The following EFCAB11 variants were observed in gnomAD, a reference collection of about 807,000 sequenced individuals.
EFCAB11 encodes the protein EF-hand calcium binding domain 11.
A neutral mutation model predicts 23.0 loss-of-function variants in EFCAB11; 14 were observed. The ratio of observed to expected loss-of-function variants is 0.61; its 90% CI spans 0.40 to 0.95. EFCAB11 has a LOEUF of 0.95. Ranked by LOEUF, EFCAB11 falls within the 40% of genes least tolerant of loss-of-function variation. The pLI is 0.00. For missense variants in EFCAB11, 198 were observed against 195.8 expected (o/e 1.01, Z -0.07); for synonymous variants, 65 against 66.6 (o/e 0.98, Z 0.11).
chr14:89,882,749 G>A (rs1888641092), intron 5 of EFCAB11, among the ~76,000 whole-genome samples: 1 of 152,142 alleles, frequency 6.6e-6, no homozygotes, highest in Admixed American at 6.5e-5. Context: ...ACAATTTAAA[G>A]AAGGCAGAGC....
At chr14:89,808,084 G>T (rs1222011557) in intron 5 of EFCAB11, among the ~76,000 whole-genome samples, 1 of 152,172 alleles carries the variant, frequency 6.6e-6, no homozygotes, top group East Asian at 1.9e-4. Context: ...CCTGCTTTGT[G>T]TTCAACAAAA....
chr14:89,937,247 T>C (rs1427442916), intron 3 of EFCAB11, among the ~76,000 whole-genome samples: 1 of 152,122 alleles, frequency 6.6e-6, no homozygotes. Flanking sequence ...AAGATTCTTC[T>C]TTATATGAAA....
At chr14:89,922,492 T>C (rs545739293) in intron 5 of EFCAB11, among the ~76,000 whole-genome samples, 4 of 152,192 alleles carry the variant, frequency 2.6e-5, no homozygotes, top group Non-Finnish European at 5.9e-5. Flanking sequence ...AGAGGTTCAC[T>C]GATTTGTGGA....
At chr14:89,803,360 G>C (rs1885851084) in intron 5 of EFCAB11, among the ~76,000 whole-genome samples, 1 of 152,208 alleles carries the variant, frequency 6.6e-6, no homozygotes, top group South Asian at 2.1e-4. Context: ...GACCCCACTG[G>C]AGAGGCAAAC....
At chr14:89,952,151 A>C (rs1468843211) in intron 2 of EFCAB11, among the ~76,000 whole-genome samples, 2 of 152,362 alleles carry the variant, frequency 1.3e-5, no homozygotes, top group African/African-American at 4.8e-5. Context: ...CAAATGACTA[A>C]GTTTATAGGT....
intron 5 of EFCAB11, among the ~76,000 whole-genome samples, chr14:89,802,769 T>C (rs1885830533): frequency 6.6e-6 from 1 of 152,238 alleles, no homozygotes; most frequent in East Asian, 1.9e-4. Context: ...GAAACTTGTC[T>C]TATGAAGATG....
chr14:89,907,901 T>C (rs1341108887), intron 5 of EFCAB11, among the ~76,000 whole-genome samples: 1 of 152,160 alleles, frequency 6.6e-6, no homozygotes, highest in African/African-American at 2.4e-5. Flanking sequence ...ACAATCACAG[T>C]AGCCACCTCA....
chr14:89,820,752 A>C (rs1410293076), intron 5 of EFCAB11, among the ~76,000 whole-genome samples: 4 of 151,902 alleles, frequency 2.6e-5, no homozygotes, highest in Admixed American at 1.3e-4. Flanking sequence ...TTTTAGGGGT[A>C]TAAAAATGAG....
At position 89,853,618 on chromosome 14, in the gene EFCAB11, G is replaced by A. The variant is rs77706491; in HGVS notation, c.411-56294C>T. ...CTGTCCTCACTTCACCTGCCACACT[G>A]GCTCTTAAAATGAATATTAAATAAA... On this transcript the variant is annotated intron_variant, in intron 5 of 5. Coordinates refer to ENST00000316738, the MANE Select transcript of EFCAB11 (RefSeq NM_145231.4). Among the ~76,000 whole-genome samples the A allele has an allele frequency of 4.0e-3, 608 of 152,192 alleles. 5 individuals are homozygous for A. Among genetic ancestry groups the A allele is most frequent in the African/African-American group, 0.014 (580 of 41,500 alleles).
intron 5 of EFCAB11, among the ~76,000 whole-genome samples, chr14:89,827,192 C>T (rs1384781315): frequency 6.6e-6 from 1 of 152,134 alleles, no homozygotes; most frequent in African/African-American, 2.4e-5. Context: ...GCTGAAGAAA[C>T]AAAGGGATGA....
At chr14:89,828,036 C>G (rs1350166573) in intron 5 of EFCAB11, among the ~76,000 whole-genome samples, 1 of 152,152 alleles carries the variant, frequency 6.6e-6, no homozygotes, top group Non-Finnish European at 1.5e-5. Flanking sequence ...GAAGAGTTAT[C>G]TGGAATACAG....
rs531732957 is a variant in EFCAB11 at position 89,890,183 on chromosome 14, CATAA to C, written c.410+41354_410+41357del. ...ACAGAAACACTGCATGATTTCTTCT[CATAA>C]ATAATGAATGCAATAAAAATGTTAA... On this transcript the variant is annotated intron_variant, in intron 5 of 5. Transcript: ENST00000316738. Among the ~76,000 whole-genome samples the C allele has an allele frequency of 1.2e-4, 18 of 152,274 alleles. No individual in the cohort carries two copies. The East Asian group carries it at 3.5e-3, about 29-fold the overall frequency.
intron 5 of EFCAB11, among the ~76,000 whole-genome samples, chr14:89,844,971 C>T (rs115866066): frequency 0.014 from 1,982 of 144,682 alleles, 46 homozygotes; most frequent in African/African-American, 0.047. Flanking sequence ...GGGGAGGGGG[C>T]GGGGTTATAA....
chr14:89,861,783 ATGTGAT>A (rs1887931360), intron 5 of EFCAB11, among the ~76,000 whole-genome samples: 1 of 152,170 alleles, frequency 6.6e-6, no homozygotes, highest in East Asian at 1.9e-4. Flanking sequence ...TCATCTCTCC[ATGTGAT>A]GCCTTCTGCC....
intron 5 of EFCAB11, among the ~76,000 whole-genome samples, chr14:89,888,493 G>T (rs974315061): frequency 7.2e-5 from 11 of 152,158 alleles, no homozygotes; most frequent in African/African-American, 2.4e-4. Flanking sequence ...GCCAGAGCAG[G>T]AACAAGAGTT....
intron 5 of EFCAB11, among the ~76,000 whole-genome samples, chr14:89,808,051 T>C (rs1596375177): frequency 6.6e-6 from 1 of 152,118 alleles, no homozygotes; most frequent in South Asian, 2.1e-4. Context: ...TGGGGATGGG[T>C]GGAGTTTGAC....
chr14:89,899,653 C>G (rs1299153105), intron 5 of EFCAB11, among the ~76,000 whole-genome samples: 1 of 152,074 alleles, frequency 6.6e-6, no homozygotes, highest in Non-Finnish European at 1.5e-5. Flanking sequence ...ATAGACTATG[C>G]AATATTTTTT....
intron 5 of EFCAB11, among the ~76,000 whole-genome samples, chr14:89,824,103 A>G (rs1389178973): frequency 6.6e-6 from 1 of 152,180 alleles, no homozygotes; most frequent in East Asian, 1.9e-4. Flanking sequence ...AAGTAAGATA[A>G]TGAAGAACAC....
At position 89,855,582 on chromosome 14, in the gene EFCAB11, T is replaced by C. The variant is rs1225130438; in HGVS notation, c.411-58258A>G. Among the ~76,000 whole-genome samples, 8 of 146,090 alleles carry C rather than the reference T, an allele frequency of 5.5e-5. No homozygotes were observed. In the South Asian group the frequency reaches 1.5e-3, roughly 27 times the overall value. ...GTTACTATAGCAAAGCAAATTAACATATCCCAACTAACTATTGCACAGTTA... is the reference window on the plus strand; with the variant it reads ...GTTACTATAGCAAAGCAAATTAACACATCCCAACTAACTATTGCACAGTTA... On this transcript the variant is annotated intron_variant, in intron 5 of 5. Transcript: ENST00000316738.
Sources: allele counts gnomAD v4.1 joint callset (sites outside exome capture counted in the v4.1 genomes callset), GRCh38; gene constraint gnomAD v4.1.1; transcripts MANE v1.5; gene names NCBI Gene and HGNC (gene_info 2026-07-23, HGNC 2026-07-21).